NEGR1: variants seen among roughly 807,000 people sequenced by gnomAD.
NEGR1 encodes the protein IgLON family member 4.
Under a neutral mutation model 40.9 loss-of-function variants are expected in NEGR1, and 10 were observed. The observed-to-expected ratio is 0.24, with a 90% CI of 0.15 to 0.42. The LOEUF is 0.42. Among genes scored for constraint, NEGR1 ranks in the 10% least tolerant of loss-of-function variants. NEGR1 has a pLI of 1.00. For synonymous variants in NEGR1, 185 were observed against 166.8 expected (o/e 1.11, Z -0.84); for missense variants, 352 against 438.9 (o/e 0.80, Z 1.77).
intron 6 of NEGR1, among the ~76,000 whole-genome samples, chr1:71,411,301 A>AT (rs1425634964): frequency 6.6e-6 from 1 of 152,154 alleles, no homozygotes; most frequent in Non-Finnish European, 1.5e-5. Flanking sequence ...TCCCTTAAGT[A>AT]TTTTGAGCAA....
chr1:71,598,955 C>T (rs1041795385), intron 5 of NEGR1, among the ~76,000 whole-genome samples: 3 of 152,048 alleles, frequency 2.0e-5, no homozygotes, highest in Non-Finnish European at 4.4e-5. Context: ...GGGCAAGGTT[C>T]AAGGTTGATT....
At chr1:71,968,877 A>T (rs1236724330) in intron 1 of NEGR1, among the ~76,000 whole-genome samples, 1 of 152,200 alleles carries the variant, frequency 6.6e-6, no homozygotes, top group Non-Finnish European at 1.5e-5. Context: ...TTGCTGTAAG[A>T]AGACATGATG....
At chr1:71,647,198 C>T (rs545098544) in intron 4 of NEGR1, among the ~76,000 whole-genome samples, 3 of 151,930 alleles carry the variant, frequency 2.0e-5, no homozygotes, top group African/African-American at 7.2e-5. Flanking sequence ...GCCTAACCCA[C>T]AGGAAAGTTT....
At chr1:72,089,833 T>C (rs1025252970) in intron 1 of NEGR1, among the ~76,000 whole-genome samples, 1 of 152,142 alleles carries the variant, frequency 6.6e-6, no homozygotes, top group Admixed American at 6.5e-5. Context: ...TAATCAGTGA[T>C]TAATTTTAAA....
At chr1:71,788,264 T>G (rs1656984192) in intron 2 of NEGR1, among the ~76,000 whole-genome samples, 1 of 152,132 alleles carries the variant, frequency 6.6e-6, no homozygotes, top group Non-Finnish European at 1.5e-5. Flanking sequence ...GAAATTGGAT[T>G]GGATTAAAAG....
At chr1:71,492,188 A>C (rs999939698) in intron 6 of NEGR1, among the ~76,000 whole-genome samples, 6 of 152,126 alleles carry the variant, frequency 3.9e-5, no homozygotes, top group Admixed American at 3.9e-4. Flanking sequence ...GGAATGGACT[A>C]AGAGATTGGG....
At chr1:71,588,511 A>G (rs754025964) in intron 6 of NEGR1, among the ~76,000 whole-genome samples, 1 of 152,156 alleles carries the variant, frequency 6.6e-6, no homozygotes, top group African/African-American at 2.4e-5. Flanking sequence ...TCTTCATTGT[A>G]TACTAGCTTT....
Position 72,200,510 on chromosome 1 carries a change from T to C in NEGR1, c.176+81809A>G, listed in dbSNP as rs538823278. 2.6e-5 allele frequency among the ~76,000 whole-genome samples: 4 copies of C among 151,982 alleles called. No individual in the cohort carries two copies. The East Asian group carries it at 7.8e-4, about 30-fold the overall frequency. On this transcript the variant is annotated intron_variant, in intron 1 of 6. Transcript: ENST00000357731. ...GATGGCAACAATAGATATTGTAGAC[T>C]CATTGAGCAGGGAAGGCTACGTATT...
intron 1 of NEGR1, among the ~76,000 whole-genome samples, chr1:72,120,761 A>G (rs1649771015): frequency 6.6e-6 from 1 of 151,990 alleles, no homozygotes; most frequent in Non-Finnish European, 1.5e-5. Flanking sequence ...TGCTCATTTA[A>G]CAAACACTAT....
intron 4 of NEGR1, among the ~76,000 whole-genome samples, chr1:71,613,061 ACT>A (rs1650314589): frequency 6.6e-6 from 1 of 152,100 alleles, no homozygotes; most frequent in South Asian, 2.1e-4. Context: ...TGAAAAGATG[ACT>A]CTGGCTGCTG....
At chr1:71,527,402 A>ACCATCCATCCATCCATCCATCCAT (rs71095944) in intron 6 of NEGR1, among the ~76,000 whole-genome samples, 1 of 147,798 alleles carries the variant, frequency 6.8e-6, no homozygotes, top group Non-Finnish European at 1.5e-5. Flanking sequence ...CCATCCAACC[A>ACCATCCATCCATCCATCCATCCAT]CCATCCATCC....
chr1:72,036,556 T>G (rs1646904552), intron 1 of NEGR1, among the ~76,000 whole-genome samples: 1 of 150,892 alleles, frequency 6.6e-6, no homozygotes, highest in Non-Finnish European at 1.5e-5. Context: ...CTAGGGAGAC[T>G]GAGGCAGAAG....
At position 71,703,013 on chromosome 1, in the gene NEGR1, T is replaced by C. The variant is rs569654181; in HGVS notation, c.536-4874A>G. Among the ~76,000 whole-genome samples, 11 of 152,162 alleles carry C rather than the reference T, an allele frequency of 7.2e-5. No homozygotes were observed. The South Asian group carries it at 1.9e-3, about 26-fold the overall frequency. ...AGACAAAAAGCTACAGAAATCTACA[T>C]GTGTTTTCTTGTCGTTGCTGAGTAC... On this transcript the variant is annotated intron_variant, in intron 3 of 6. Coordinates refer to ENST00000357731, the MANE Select transcript of NEGR1 (RefSeq NM_173808.3).
intron 1 of NEGR1, among the ~76,000 whole-genome samples, chr1:72,007,825 A>G (rs1279479807): frequency 1.3e-5 from 2 of 152,160 alleles, no homozygotes; most frequent in Non-Finnish European, 2.9e-5. Flanking sequence ...CATTAAGTAC[A>G]TTAATACAAT....
chr1:72,122,495 A>T (rs1213178549), intron 1 of NEGR1, among the ~76,000 whole-genome samples: 2 of 152,012 alleles, frequency 1.3e-5, no homozygotes, highest in Non-Finnish European at 2.9e-5. Context: ...GGGTACATTT[A>T]TGAGAATTAT....
intron 2 of NEGR1, among the ~76,000 whole-genome samples, chr1:71,810,201 G>C (rs1657944842): frequency 6.6e-6 from 1 of 152,056 alleles, no homozygotes; most frequent in Non-Finnish European, 1.5e-5. Context: ...CCTATGCTTT[G>C]GTTAAGCTTT....
intron 1 of NEGR1, among the ~76,000 whole-genome samples, chr1:72,082,735 G>T (rs759302280): frequency 1.3e-4 from 20 of 151,504 alleles, no homozygotes; most frequent in Non-Finnish European, 2.8e-4. Flanking sequence ...AAACTAATGG[G>T]TCATCCTGAG....
At chr1:71,760,002 A>G (rs1206065136) in intron 3 of NEGR1, among the ~76,000 whole-genome samples, 2 of 152,174 alleles carry the variant, frequency 1.3e-5, no homozygotes, top group African/African-American at 4.8e-5. Context: ...ATGAAAATCA[A>G]TAAGGGAAAG....
chr1:72,057,294 A>C (rs1347348439), intron 1 of NEGR1, among the ~76,000 whole-genome samples: 1 of 151,570 alleles, frequency 6.6e-6, no homozygotes, highest in Non-Finnish European at 1.5e-5. Context: ...GAGTGCATTT[A>C]AATCCAAACT....
Sources: gnomAD v4.1 joint callset for allele counts (sites outside exome capture counted in the v4.1 genomes callset) on GRCh38, gnomAD v4.1.1 for gene constraint, MANE v1.5 for transcripts, NCBI Gene and HGNC (gene_info 2026-07-23, HGNC 2026-07-21) for gene names.